OPCML: variants seen among roughly 807,000 people sequenced by gnomAD.
OPCML encodes the protein opioid-binding protein/cell adhesion molecule.
Under a neutral mutation model 37.8 loss-of-function variants are expected in OPCML, and 13 were observed. The ratio of observed to expected loss-of-function variants is 0.34; its 90% confidence interval spans 0.22 to 0.55. The LOEUF (loss-of-function observed/expected upper bound fraction) is 0.55. OPCML is among the 20% of genes least tolerant of loss of function. The pLI is 0.91. For synonymous variants in OPCML, 176 were observed against 168.8 expected (o/e 1.04, Z -0.33); for missense variants, 341 against 435.6 (o/e 0.78, Z 1.93).
At chr11:132,956,436 GC>G (rs1186044069) in intron 1 of OPCML, among the ~76,000 whole-genome samples, 3 of 152,158 alleles carry the variant, frequency 2.0e-5, no homozygotes, top group Admixed American at 1.3e-4. Flanking sequence ...ACATGATAGT[GC>G]CCCGCCTTTA....
intron 3 of OPCML, among the ~76,000 whole-genome samples, chr11:132,613,213 A>G (rs538723697): frequency 6.6e-6 from 1 of 152,362 alleles, no homozygotes; most frequent in South Asian, 2.1e-4. Context: ...GGAGAAAAGC[A>G]CAGAGCATTG....
intron 1 of OPCML, among the ~76,000 whole-genome samples, chr11:133,200,606 C>A (rs1938733146): frequency 6.6e-6 from 1 of 152,106 alleles, no homozygotes; most frequent in Admixed American, 6.5e-5. Context: ...AGGACATAGA[C>A]ATACAGATAT....
intron 1 of OPCML, chr11:133,118,075 C>T: frequency 1.6e-6 from 1 of 633,632 alleles, no homozygotes; most frequent in Non-Finnish European, 2.0e-6. Flanking sequence ...AAGAAACATG[C>T]CGCAGTCTGA....
intron 4 of OPCML, among the ~76,000 whole-genome samples, chr11:132,517,223 C>T (rs2096281940): frequency 6.6e-6 from 1 of 152,148 alleles, no homozygotes; most frequent in African/African-American, 2.4e-5. Context: ...TAATTTAAAA[C>T]AGCTTAAGCA....
At chr11:132,854,794 C>A (rs11223248) in intron 2 of OPCML, among the ~76,000 whole-genome samples, 9,539 of 152,254 alleles carry the variant, frequency 0.063, 388 homozygotes, top group East Asian at 0.14. Flanking sequence ...CCACTATGAA[C>A]AATTGCATGT....
intron 1 of OPCML, among the ~76,000 whole-genome samples, chr11:133,289,594 C>CAAAAAAAAAAAAAAAAAAAAAAAAA (rs1229577687): frequency 3.8e-5 from 2 of 52,290 alleles, no homozygotes; most frequent in African/African-American, 1.5e-4. Flanking sequence ...GACTCCATCT[C>CAAAAAAAAAAAAAAAAAAAAAAAAA]AAAAAAAAAA....
intron 3 of OPCML, among the ~76,000 whole-genome samples, chr11:132,536,334 A>T (rs2096340746): frequency 6.6e-6 from 1 of 152,226 alleles, no homozygotes; most frequent in African/African-American, 2.4e-5. Context: ...ATTTGGAGTC[A>T]CAGGGGCTAA....
intron 2 of OPCML, among the ~76,000 whole-genome samples, chr11:132,911,830 C>A (rs1001715490): frequency 6.6e-6 from 1 of 152,172 alleles, no homozygotes; most frequent in African/African-American, 2.4e-5. Context: ...TCTAATATTT[C>A]TAGACTTGTC....
At chr11:132,920,813 T>C (rs995874326) in intron 2 of OPCML, among the ~76,000 whole-genome samples, 4 of 152,136 alleles carry the variant, frequency 2.6e-5, no homozygotes, top group African/African-American at 7.2e-5. Flanking sequence ...GAGAGGGTCG[T>C]CTTCTGGGCC....
chr11:133,204,058 C>CAAAAAAAAAAAAAAAA (rs58343203), intron 1 of OPCML, among the ~76,000 whole-genome samples: 5 of 66,510 alleles, frequency 7.5e-5, no homozygotes, highest in African/African-American at 1.1e-4. Flanking sequence ...GACTCTGTCT[C>CAAAAAAAAAAAAAAAA]AAAAAAAAAA....
In OPCML at chr11:133,134,871, T is replaced by C. The variant is rs543236569; in HGVS notation, c.62-191861A>G. Among the ~76,000 whole-genome samples, 14 of 152,342 alleles carry C rather than the reference T, an allele frequency of 9.2e-5. No individual in the cohort carries two copies. In the South Asian group the frequency reaches 1.7e-3, roughly 18 times the overall value. ...AGTAAGGTTCCTTGGCTCAGAGCTG[T>C]TGTGCATAATTACAGCCACTTTCTT... On this transcript the variant is annotated intron_variant, in intron 1 of 7. Transcript: ENST00000524381.
chr11:133,336,796 T>C (rs1393379066), intron 1 of OPCML, among the ~76,000 whole-genome samples: 1 of 152,220 alleles, frequency 6.6e-6, no homozygotes, highest in Non-Finnish European at 1.5e-5. Context: ...ATGAAAAGAA[T>C]GAGGACTTCT....
chr11:133,196,088 T>C (rs777224312), intron 1 of OPCML, among the ~76,000 whole-genome samples: 6 of 152,214 alleles, frequency 3.9e-5, no homozygotes, highest in Admixed American at 6.5e-5. Context: ...AGTATACACC[T>C]GTGTCTTAGC....
intron 2 of OPCML, among the ~76,000 whole-genome samples, chr11:132,908,573 A>G (rs1944320142): frequency 6.6e-6 from 1 of 152,136 alleles, no homozygotes; most frequent in African/African-American, 2.4e-5. Flanking sequence ...CCCTTGTGCA[A>G]TTCAGGCTAA....
At chr11:132,691,877 G>C (rs546493968) in intron 2 of OPCML, among the ~76,000 whole-genome samples, 1 of 152,200 alleles carries the variant, frequency 6.6e-6, no homozygotes, top group East Asian at 1.9e-4. Context: ...TTTCACAGAG[G>C]GGACTTAGAA....
intron 2 of OPCML, among the ~76,000 whole-genome samples, chr11:132,833,382 C>G (rs1333292956): frequency 1.3e-5 from 2 of 152,162 alleles, no homozygotes; most frequent in African/African-American, 2.4e-5. Flanking sequence ...GTATCTCATC[C>G]CACTCCAAGA....
chr11:133,416,652 C>A (rs949669600), intron 1 of OPCML, among the ~76,000 whole-genome samples: 2 of 152,236 alleles, frequency 1.3e-5, no homozygotes, highest in African/African-American at 4.8e-5. Context: ...CCTCTTATAA[C>A]AAGTTTCCAG....
At chr11:132,528,750 CACCAACTG>C (rs1248583407) in intron 4 of OPCML, among the ~76,000 whole-genome samples, 2 of 152,190 alleles carry the variant, frequency 1.3e-5, no homozygotes, top group African/African-American at 4.8e-5. Context: ...AAGAACAAAC[CACCAACTG>C]ACCCACCTCT....
At chr11:132,781,116 T>C (rs1946994212) in intron 2 of OPCML, among the ~76,000 whole-genome samples, 1 of 152,068 alleles carries the variant, frequency 6.6e-6, no homozygotes, top group Non-Finnish European at 1.5e-5. Flanking sequence ...GAAAGAAACT[T>C]GGAGGATGAA....
Sources: gnomAD v4.1 joint callset for allele counts (sites outside exome capture counted in the v4.1 genomes callset) on GRCh38, gnomAD v4.1.1 for gene constraint, MANE v1.5 for transcripts, NCBI Gene and HGNC (gene_info 2026-07-23, HGNC 2026-07-21) for gene names.